Variants in SPTSSB observed in about 807,000 individuals in gnomAD.
SPTSSB encodes the protein androgen down regulated in mouse prostate.
SPTSSB carries 6 observed loss-of-function variants against 7.7 expected under a neutral mutation model. The observed-to-expected ratio is 0.78, with a 90% confidence interval of 0.43 to 1.54. The LOEUF (loss-of-function observed/expected upper bound fraction) is 1.54. Ranked by LOEUF, SPTSSB falls within the 40% of genes most tolerant of loss-of-function variation. SPTSSB has a pLI of 0.01. For synonymous variants in SPTSSB, 28 were observed against 29.7 expected (o/e 0.94, Z 0.19); for missense variants, 91 against 93.0 (o/e 0.98, Z 0.09).
chr3:161,349,287 G>T (rs148224745), intron 2 of SPTSSB, among the ~76,000 whole-genome samples: 15 of 152,234 alleles, frequency 9.9e-5, no homozygotes, highest in African/African-American at 3.6e-4. Flanking sequence ...AAAATGCTAA[G>T]AAGAAGGCTA....
chr3:161,347,616 A>G lies in SPTSSB; in HGVS notation c.-32-1261T>C, dbSNP rs1164377915. ...GTCGGGCTCGGTGGCTCACGCCTGTAATCCCAAAACTTTGGGAGGCCAAGG... is the reference window on the plus strand; with the variant it reads ...GTCGGGCTCGGTGGCTCACGCCTGTGATCCCAAAACTTTGGGAGGCCAAGG... On this transcript the variant is annotated intron_variant, in intron 2 of 2. Coordinates refer to ENST00000620149, the MANE Select transcript of SPTSSB (RefSeq NM_001040100.2). Among the ~76,000 whole-genome samples, 4 of 152,060 alleles carry G rather than the reference A, an allele frequency of 2.6e-5. No homozygotes were observed. The East Asian group carries it at 7.8e-4, about 30-fold the overall frequency.
chr3:161,361,419 T>A (rs142624218), intron 1 of SPTSSB, among the ~76,000 whole-genome samples: 1 of 152,184 alleles, frequency 6.6e-6, no homozygotes, highest in Admixed American at 6.5e-5. Context: ...ATAGTATTTC[T>A]ACAGTAGAAT....
intron 1 of SPTSSB, among the ~76,000 whole-genome samples, chr3:161,369,772 G>C (rs1560109335): frequency 6.6e-6 from 1 of 152,030 alleles, no homozygotes; most frequent in Admixed American, 6.5e-5. Flanking sequence ...GGTTGAGAGG[G>C]GGCCCTGCGT....
At chr3:161,353,718 A>G (rs988680161) in intron 2 of SPTSSB, among the ~76,000 whole-genome samples, 1 of 152,192 alleles carries the variant, frequency 6.6e-6, no homozygotes, top group Non-Finnish European at 1.5e-5. Flanking sequence ...TTAATGGGGC[A>G]AAACCTTATA....
chr3:161,355,576 A>C (rs935683234), intron 2 of SPTSSB, among the ~76,000 whole-genome samples: 1 of 152,198 alleles, frequency 6.6e-6, no homozygotes, highest in African/African-American at 2.4e-5. Context: ...TTTGTTGTTG[A>C]AGTGAAATAA....
intron 2 of SPTSSB, 129 bp from the exon 3 acceptor site, chr3:161,346,484 G>T: frequency 2.0e-6 from 1 of 492,712 alleles, no homozygotes; most frequent in Non-Finnish European, 3.7e-6. Flanking sequence ...ATTAATATAT[G>T]AATATTCTGT....
intron 1 of SPTSSB, among the ~76,000 whole-genome samples, chr3:161,363,028 T>G (rs187367448): frequency 1.2e-4 from 19 of 152,056 alleles, no homozygotes; most frequent in Middle Eastern, 3.6e-3. Flanking sequence ...TAATTTATCA[T>G]TTTAAAATAA....
chr3:161,364,054 C>T (rs1350499236), intron 1 of SPTSSB, among the ~76,000 whole-genome samples: 1 of 152,050 alleles, frequency 6.6e-6, no homozygotes, highest in Non-Finnish European at 1.5e-5. Context: ...GATTATTAGC[C>T]AAGGCAGTAA....
At chr3:161,355,389 T>C (rs1253661356) in intron 2 of SPTSSB, among the ~76,000 whole-genome samples, 1 of 152,176 alleles carries the variant, frequency 6.6e-6, no homozygotes, top group Non-Finnish European at 1.5e-5. Flanking sequence ...TTCTAAGTCA[T>C]TAAAGGTGTA....
intron 2 of SPTSSB, among the ~76,000 whole-genome samples, chr3:161,346,764 G>A (rs927068960): frequency 2.4e-4 from 36 of 152,184 alleles, no homozygotes; most frequent in African/African-American, 7.5e-4. Flanking sequence ...GGATCATTAT[G>A]AGTCAAATGG....
intron 1 of SPTSSB, among the ~76,000 whole-genome samples, chr3:161,364,647 G>A (rs914678069): frequency 2.0e-5 from 3 of 151,686 alleles, no homozygotes; most frequent in African/African-American, 7.3e-5. Flanking sequence ...ATAAGACTAA[G>A]CTTCAAATAA....
chr3:161,346,392 C>A, intron 2 of SPTSSB, 37 bp from the exon 3 acceptor site: 2 of 1,071,056 alleles, frequency 1.9e-6, no homozygotes, highest in South Asian at 1.3e-5. Flanking sequence ...GATGAGGAAC[C>A]AAACATAGAA....
chr3:161,369,385 C>CTTTTTTTT (rs71149710), intron 1 of SPTSSB, among the ~76,000 whole-genome samples: 2 of 29,652 alleles, frequency 6.7e-5, no homozygotes, highest in Non-Finnish European at 1.2e-4. Context: ...TCTTTCTTTC[C>CTTTTTTTT]TTTTTTTTTT....
At chr3:161,356,871 C>T (rs567256670) in intron 2 of SPTSSB, among the ~76,000 whole-genome samples, 1 of 152,016 alleles carries the variant, frequency 6.6e-6, no homozygotes, top group Non-Finnish European at 1.5e-5. Context: ...AATCCTCGCA[C>T]TTTGAGGGGC....
intron 2 of SPTSSB, chr3:161,347,910 T>C (rs1007278583): frequency 6.6e-6 from 1 of 151,970 alleles, no homozygotes; most frequent in African/African-American, 2.4e-5. Context: ...AAGTGATGAG[T>C]AATGTGGTTA....
intron 1 of SPTSSB, among the ~76,000 whole-genome samples, chr3:161,369,986 A>G (rs535474146): frequency 6.6e-6 from 1 of 152,328 alleles, no homozygotes; most frequent in East Asian, 1.9e-4. Flanking sequence ...AATTTTCACC[A>G]GTTATTGTTG....
intron 1 of SPTSSB, among the ~76,000 whole-genome samples, chr3:161,364,648 C>T (rs538555528): frequency 2.1e-4 from 32 of 151,870 alleles, no homozygotes; most frequent in African/African-American, 6.0e-4. Flanking sequence ...TAAGACTAAG[C>T]TTCAAATAAG....
At chr3:161,370,035 A>G (rs1456643788) in intron 1 of SPTSSB, among the ~76,000 whole-genome samples, 2 of 152,334 alleles carry the variant, frequency 1.3e-5, no homozygotes, top group Non-Finnish European at 1.5e-5. Flanking sequence ...TCACATCACC[A>G]TTCTGGAAGT....
intron 2 of SPTSSB, among the ~76,000 whole-genome samples, chr3:161,355,742 A>G (rs1046503649): frequency 2.0e-5 from 3 of 152,194 alleles, no homozygotes; most frequent in Non-Finnish European, 4.4e-5. Context: ...CAAGATGAGA[A>G]AGTTCTAGAG....
Sources: allele counts gnomAD v4.1 joint callset (sites outside exome capture counted in the v4.1 genomes callset), GRCh38; gene constraint gnomAD v4.1.1; transcripts MANE v1.5; gene names NCBI Gene and HGNC (gene_info 2026-07-23, HGNC 2026-07-21).